The following SCOC variants were observed in gnomAD, a reference collection of about 807,000 sequenced individuals.
SCOC encodes the protein short coiled-coil protein.
A neutral mutation model predicts 9.9 loss-of-function variants in SCOC; 7 were observed. That is an observed-to-expected ratio of 0.71 (90% CI 0.40 to 1.33). The LOEUF (loss-of-function observed/expected upper bound fraction) is 1.33. Ranked by LOEUF, SCOC falls within the 40% of genes most tolerant of loss-of-function variation. SCOC has a pLI of 0.01. For missense variants in SCOC, 66 were observed against 89.7 expected (o/e 0.74, Z 1.07); for synonymous variants, 19 against 28.2 (o/e 0.67, Z 1.03).
chr4:140,354,332 T>G (rs1333324835), intron 2 of SCOC, among the ~76,000 whole-genome samples: 3 of 152,162 alleles, frequency 2.0e-5, no homozygotes, highest in Non-Finnish European at 4.4e-5. Context: ...TTTGCCATAC[T>G]GTAAAAATGG....
At chr4:140,376,365 T>G (rs1728342861) in intron 1 of SCOC, 1 of 152,180 alleles carries the variant, frequency 6.6e-6, no homozygotes, top group South Asian at 2.1e-4. Flanking sequence ...TACAATTGCT[T>G]CTTGTTCTTT....
chr4:140,261,344 C>G (rs1730628265), intron 1 of SCOC, among the ~76,000 whole-genome samples: 1 of 152,202 alleles, frequency 6.6e-6, no homozygotes. Context: ...TCCAACAGCT[C>G]TCCAAGAGCA....
chr4:140,379,248 T>A, intron 2 of SCOC, 56 bp downstream of exon 2: 3 of 1,156,108 alleles, frequency 2.6e-6, no homozygotes, highest in Non-Finnish European at 3.9e-6. Context: ...GCTTTTGCTT[T>A]ATTAAGCAAT....
chr4:140,308,081 A>G (rs1732043536), intron 1 of SCOC, among the ~76,000 whole-genome samples: 1 of 152,208 alleles, frequency 6.6e-6, no homozygotes, highest in South Asian at 2.1e-4. Context: ...GTGCAGGCAG[A>G]TCATTGCTTT....
intron 1 of SCOC, among the ~76,000 whole-genome samples, chr4:140,295,024 C>T (rs1199503608): frequency 6.6e-6 from 1 of 152,204 alleles, no homozygotes; most frequent in Admixed American, 6.5e-5. Context: ...GAAATAGCCA[C>T]ACACCAGTTA....
At position 140,379,495 on chromosome 4, in the gene SCOC, C is replaced by T. The variant is rs528697670; in HGVS notation, c.23-74C>T. ...GTAAGAATGAATATAAAACATTTTGCAGATTTTTAAGTGCTACCCTACACA... is the reference window on the plus strand; with the variant it reads ...GTAAGAATGAATATAAAACATTTTGTAGATTTTTAAGTGCTACCCTACACA... On this transcript the variant is annotated intron_variant, in intron 2 of 3. Transcript: ENST00000608372. 6 of 1,095,968 alleles carry T rather than the reference C, an allele frequency of 5.5e-6. No individual in the cohort carries two copies. The Admixed American group carries it at 1.3e-4, about 23-fold the overall frequency. 67.9% of individuals were successfully genotyped at this position (1,095,968 alleles called of 1,614,324 possible).
rs1036045725 is a variant in SCOC, at chr4:140,281,550, G to A, written c.-19+24140G>A. Among the ~76,000 whole-genome samples, 7 of 152,296 alleles carry A rather than the reference G, an allele frequency of 4.6e-5. No individual in the cohort carries two copies. The East Asian group carries it at 1.4e-3, about 29-fold the overall frequency. ...TATGTAGGGGGCATACTTAGGCAGC[G>A]CTGTTATTTCTTGCTTTGTGGCCTC... On this transcript the variant is annotated intron_variant, in intron 1 of 4. Coordinates refer to the SCOC transcript ENST00000394205.
At chr4:140,331,257 T>C (rs1732808637) in intron 1 of SCOC, among the ~76,000 whole-genome samples, 1 of 152,226 alleles carries the variant, frequency 6.6e-6, no homozygotes, top group Admixed American at 6.5e-5. Context: ...GTTCTTCCTG[T>C]AGAAAAATTC....
At chr4:140,350,992 C>T (rs573079261) in intron 2 of SCOC, among the ~76,000 whole-genome samples, 22 of 151,718 alleles carry the variant, frequency 1.5e-4, no homozygotes, top group African/African-American at 5.3e-4. Flanking sequence ...GAGTTTGAGA[C>T]CAGCCTGGCC....
intron 2 of SCOC, among the ~76,000 whole-genome samples, chr4:140,355,208 T>TA (rs1491371645): frequency 1.6e-4 from 2 of 12,234 alleles, no homozygotes; most frequent in African/African-American, 9.0e-4. Flanking sequence ...ATACATTATA[T>TA]TTTTATATAT....
intron 1 of SCOC, among the ~76,000 whole-genome samples, chr4:140,263,115 C>A (rs749413808): frequency 6.6e-5 from 10 of 152,152 alleles, no homozygotes; most frequent in Middle Eastern, 3.2e-3. Context: ...TGTGCATAAT[C>A]CTGTTTGGGT....
intron 1 of SCOC, among the ~76,000 whole-genome samples, chr4:140,316,247 T>C (rs2126474802): frequency 6.6e-6 from 1 of 152,344 alleles, no homozygotes; most frequent in South Asian, 2.1e-4. Context: ...GTGTTTCACT[T>C]GATCCTTCTT....
intron 1 of SCOC, among the ~76,000 whole-genome samples, chr4:140,312,716 G>A (rs2175561): frequency 1.3e-5 from 2 of 152,190 alleles, no homozygotes; most frequent in African/African-American, 4.8e-5. Flanking sequence ...TTACAGGCAT[G>A]AGCCATAGTG....
intron 2 of SCOC, chr4:140,367,010 A>G (rs1301062390): frequency 2.6e-6 from 1 of 392,084 alleles, no homozygotes; most frequent in Non-Finnish European, 4.8e-6. Flanking sequence ...GTTTGAGACT[A>G]GCTTGACCAA....
At position 140,368,049 on chromosome 4, in the gene SCOC, C is replaced by T. The variant is rs150036463; in HGVS notation, c.71-11072C>T. Among the ~76,000 whole-genome samples, 372 of 152,322 alleles carry T rather than the reference C, an allele frequency of 2.4e-3. 3 individuals carry two copies. Among genetic ancestry groups the T allele is most frequent in the African/African-American group, 8.4e-3 (349 of 41,580 alleles). ...GGGGTGGACAGGAAAGTGACTAACT[C>T]CCTGCAGTCTCATGGTTAATTTCAA... On this transcript the variant is annotated intron_variant, in intron 2 of 4. Transcript: ENST00000338517.
chr4:140,325,852 C>G (rs1346040174), intron 1 of SCOC, among the ~76,000 whole-genome samples: 2 of 152,156 alleles, frequency 1.3e-5, no homozygotes, highest in Non-Finnish European at 2.9e-5. Flanking sequence ...GAGTTGAAAA[C>G]TAATGTTCAT....
At chr4:140,262,039 A>G (rs1284055364) in intron 1 of SCOC, among the ~76,000 whole-genome samples, 2 of 152,228 alleles carry the variant, frequency 1.3e-5, no homozygotes, top group East Asian at 3.8e-4. Context: ...GAGAAGTTGA[A>G]TTTAGTGTTT....
chr4:140,365,172 CAA>C (rs3034544), intron 2 of SCOC, among the ~76,000 whole-genome samples: 7 of 141,568 alleles, frequency 4.9e-5, no homozygotes, highest in African/African-American at 1.6e-4. Context: ...ATGGATATGG[CAA>C]AAAAAAAAAA....
intron 1 of SCOC, among the ~76,000 whole-genome samples, chr4:140,376,146 G>A (rs1728334175): frequency 6.6e-6 from 1 of 152,156 alleles, no homozygotes; most frequent in Non-Finnish European, 1.5e-5. Context: ...CTGTGTTAAT[G>A]TAGACTTTGG....
Sources: gnomAD v4.1 joint callset for allele counts (sites outside exome capture counted in the v4.1 genomes callset) on GRCh38, gnomAD v4.1.1 for gene constraint, MANE v1.5 for transcripts, NCBI Gene and HGNC (gene_info 2026-07-23, HGNC 2026-07-21) for gene names.